Variants in IPP observed in about 807,000 individuals in gnomAD.
IPP encodes intracisternal A particle-promoted polypeptide.
IPP carries 41 observed loss-of-function variants against 64.1 expected under a neutral mutation model. That is an observed-to-expected ratio of 0.64 (90% confidence interval 0.50 to 0.83). The LOEUF is 0.83. Ranked by LOEUF, IPP falls within the 40% of genes least tolerant of loss-of-function variation. The probability of loss-of-function intolerance (pLI) is 0.00; values close to 1 mark genes in which losing one functional copy is unlikely to be tolerated. For missense variants in IPP, 649 were observed against 703.0 expected (o/e 0.92, Z 0.87); for synonymous variants, 214 against 235.2 (o/e 0.91, Z 0.83).
At chr1:45,745,194 C>A (rs1646118683) in intron 2 of IPP, among the ~76,000 whole-genome samples, 1 of 152,078 alleles carries the variant, frequency 6.6e-6, no homozygotes, top group Non-Finnish European at 1.5e-5. Flanking sequence ...CCACTGTGCC[C>A]CTGTGTACAT....
At chr1:45,694,635 A>C (rs1237831830), downstream of IPP, 7 of 631,554 alleles carry the variant, frequency 1.1e-5, no homozygotes, top group Admixed American at 5.7e-5. Flanking sequence ...TATGGCTCTA[A>C]AGTCAGTAGG....
At chr1:45,742,492 C>G (rs1228876506) in intron 2 of IPP, among the ~76,000 whole-genome samples, 1 of 152,168 alleles carries the variant, frequency 6.6e-6, no homozygotes, top group Non-Finnish European at 1.5e-5. Context: ...AAGACAAGGT[C>G]TCTATCTTCA....
downstream of IPP, chr1:45,697,057 G>A (rs1301799191): frequency 4.6e-5 from 7 of 152,158 alleles, no homozygotes; most frequent in African/African-American, 1.7e-4. Context: ...ATGAGTTATA[G>A]CTTAGTCTAT....
chr1:45,743,178 TCC>T (rs1041082421), intron 2 of IPP, among the ~76,000 whole-genome samples: 5 of 151,808 alleles, frequency 3.3e-5, no homozygotes, highest in African/African-American at 1.2e-4. Context: ...CCTCAGGTGA[TCC>T]ACCCACCTCA....
rs1311008830 is a variant in IPP, at chr1:45,726,085, T to TAAAA, written c.1048+1542_1048+1545dup. On this transcript the variant is annotated intron_variant, in intron 5 of 8. Transcript: ENST00000396478. Reference sequence around the variant, plus strand: ...GCGAGAAACACCCAAGAATGATCAATAAAAAAAATAAATAAATAAATAAAT... The same window carrying TAAAA: ...GCGAGAAACACCCAAGAATGATCAATAAAAAAAAAAAATAAATAAATAAATAAAT... Among the ~76,000 whole-genome samples the TAAAA allele has an allele frequency of 2.0e-3, 257 of 129,568 alleles. 1 individual carries two copies. Among genetic ancestry groups the TAAAA allele is most frequent in the African/African-American group, 6.7e-3 (232 of 34,698 alleles). The allele number at this position is 129,568 out of a possible 152,430, so 85.0% of individuals were successfully genotyped here.
intron 1 of IPP, among the ~76,000 whole-genome samples, chr1:45,747,339 G>T (rs1348328537): frequency 6.6e-6 from 1 of 151,994 alleles, no homozygotes; most frequent in Non-Finnish European, 1.5e-5. Context: ...TAATTAAGAG[G>T]TGAGAAGAAA....
chr1:45,731,104 A>G (rs1412274286), intron 3 of IPP, among the ~76,000 whole-genome samples: 1 of 152,224 alleles, frequency 6.6e-6, no homozygotes, highest in East Asian at 1.9e-4. Flanking sequence ...TCTCAGCCCT[A>G]GTGGATCTCT....
intron 8 of IPP, among the ~76,000 whole-genome samples, chr1:45,708,984 A>G (rs1163824735): frequency 7.3e-6 from 1 of 136,066 alleles, no homozygotes; most frequent in Non-Finnish European, 1.5e-5. Flanking sequence ...TAGTGATCCG[A>G]GCTCGTGCCG....
rs1299983681 is a variant in IPP, at chr1:45,740,979, T to C, written c.646A>G (p.Arg216Gly). ...TCTAGCACTTCCACCACATGTTTTC[T>C]TCTTTTTCCCAAATCTTTCAGAATC... ...QWILKDLGKR[R>G]KHVVEVLDPI... The change falls in exon 3 of 9, where the codon AGA becomes GGA. Residue 216 changes from arginine to glycine, a missense_variant. Transcript: ENST00000396478. 6.2e-7 allele frequency: 1 copy of C among 1,613,874 alleles called. No homozygotes were observed. Among genetic ancestry groups the C allele is most frequent in the Non-Finnish European group, 8.5e-7 (1 of 1,179,904 alleles).
intron 8 of IPP, among the ~76,000 whole-genome samples, chr1:45,708,332 G>A (rs1184806924): frequency 6.6e-6 from 1 of 150,826 alleles, no homozygotes; most frequent in Non-Finnish European, 1.5e-5. Flanking sequence ...CCAAAGTGCT[G>A]GAGTAACAGG....
chr1:45,740,065 A>G (rs1382460409), intron 3 of IPP, among the ~76,000 whole-genome samples: 1 of 152,210 alleles, frequency 6.6e-6, no homozygotes, highest in Non-Finnish European at 1.5e-5. Context: ...TTAACAAAGC[A>G]CATCTTGCAC....
At chr1:45,743,848 T>TA (rs564404186) in intron 2 of IPP, among the ~76,000 whole-genome samples, 42,032 of 146,684 alleles carry the variant, frequency 0.29, 5,939 homozygotes, top group South Asian at 0.37. Flanking sequence ...CCGTCTCTAC[T>TA]AAAAAAAAAA....
At chr1:45,735,466 C>CTTTTT (rs756979985) in intron 3 of IPP, among the ~76,000 whole-genome samples, 66 of 57,942 alleles carry the variant, frequency 1.1e-3, no homozygotes, top group East Asian at 2.0e-3. Context: ...TTTAATTTTG[C>CTTTTT]TTTTTTTTTT....
chr1:45,730,333 CAGG>C lies in IPP; in HGVS notation c.725-567_725-565del, dbSNP rs1205510810. 2.0e-5 allele frequency among the ~76,000 whole-genome samples: 3 copies of C among 149,822 alleles called. No individual in the cohort carries two copies. In the East Asian group the frequency reaches 5.8e-4, roughly 29 times the overall value. On this transcript the variant is annotated intron_variant, in intron 3 of 8. Coordinates refer to ENST00000396478, the MANE Select transcript of IPP (RefSeq NM_005897.3). Reference sequence around the variant, plus strand: ...CACCACTGCACTCCAGCCTGGATGACAGGGTGAGATTCTGTCTCAAAAATAAAA... The same window carrying C: ...CACCACTGCACTCCAGCCTGGATGACGTGAGATTCTGTCTCAAAAATAAAA...
chr1:45,724,093 T>A (rs1468630733), intron 5 of IPP, among the ~76,000 whole-genome samples: 1 of 145,512 alleles, frequency 6.9e-6, no homozygotes, highest in Admixed American at 6.8e-5. Context: ...CTGATTCTCC[T>A]GCCTCAGCCT....
chr1:45,711,853 C>T (rs139776385), intron 8 of IPP, among the ~76,000 whole-genome samples: 135 of 151,680 alleles, frequency 8.9e-4, no homozygotes, highest in African/African-American at 2.5e-3. Flanking sequence ...TTAATGGGTA[C>T]GCATCTAATA....
chr1:45,694,531 A>T, downstream of IPP: 1 of 1,398,908 alleles, frequency 7.1e-7, no homozygotes, highest in Non-Finnish European at 9.9e-7. Flanking sequence ...AAGAAAAGGT[A>T]GTTCCATTGA....
At chr1:45,734,661 C>T (rs150723281) in intron 3 of IPP, among the ~76,000 whole-genome samples, 39 of 152,282 alleles carry the variant, frequency 2.6e-4, no homozygotes, top group African/African-American at 9.4e-4. Flanking sequence ...ACTCTATCGC[C>T]CAGGCTGGAG....
At chr1:45,735,108 G>C (rs1411273539) in intron 3 of IPP, among the ~76,000 whole-genome samples, 1 of 150,510 alleles carries the variant, frequency 6.6e-6, no homozygotes, top group Non-Finnish European at 1.5e-5. Flanking sequence ...TTTTGAGATG[G>C]AGTCTTGCTT....
Sources: allele counts gnomAD v4.1 joint callset (sites outside exome capture counted in the v4.1 genomes callset), GRCh38; gene constraint gnomAD v4.1.1; transcripts MANE v1.5; gene names NCBI Gene and HGNC (gene_info 2026-07-23, HGNC 2026-07-21).